UNC13C: variants seen among roughly 807,000 people sequenced by gnomAD.
The protein encoded by UNC13C is protein unc-13 homolog C.
Under a neutral mutation model 245.4 loss-of-function variants are expected in UNC13C, and 174 were observed. The ratio of observed to expected loss-of-function variants is 0.71; its 90% confidence interval spans 0.63 to 0.80. The LOEUF (loss-of-function observed/expected upper bound fraction) is 0.80, where lower values mean the gene tolerates loss of function less well. UNC13C is among the 30% of genes least tolerant of loss of function. UNC13C has a pLI of 0.00. For missense variants in UNC13C, 2,829 were observed against 2,602.9 expected (o/e 1.09, Z -1.89); for synonymous variants, 992 against 895.1 (o/e 1.11, Z -1.93).
chr15:53,935,191 G>A, the UNC13C span, among the ~76,000 whole-genome samples: 1 of 150,282 alleles, frequency 6.7e-6, no homozygotes, highest in South Asian at 2.1e-4. Context: ...TTTCTGATTT[G>A]AGGAGGAAGG....
upstream of UNC13C, among the ~76,000 whole-genome samples, chr15:53,973,367 G>A (rs1893597849): frequency 1.3e-5 from 2 of 151,978 alleles, no homozygotes; most frequent in Non-Finnish European, 2.9e-5. Context: ...GCTTTACATG[G>A]ATTATCTCAT....
intron 19 of UNC13C, among the ~76,000 whole-genome samples, chr15:54,461,603 T>C (rs1332297927): frequency 6.6e-6 from 1 of 152,210 alleles, no homozygotes; most frequent in Admixed American, 6.5e-5. Context: ...ATTATGGGAA[T>C]AATTTAGTAG....
At chr15:54,035,450 C>T (rs1225378264) in intron 2 of UNC13C, among the ~76,000 whole-genome samples, 1 of 152,100 alleles carries the variant, frequency 6.6e-6, no homozygotes, top group Admixed American at 6.5e-5. Flanking sequence ...TTTGGAAGCA[C>T]CCAGTAAACA....
At chr15:54,557,567 A>C (rs139471355) in intron 29 of UNC13C, among the ~76,000 whole-genome samples, 5 of 151,698 alleles carry the variant, frequency 3.3e-5, no homozygotes, top group African/African-American at 9.7e-5. Context: ...TAAAGATTCA[A>C]TGTCTCCCCG....
Position 54,012,908 on chromosome 15 carries a change from T to C in UNC13C, c.5T>C (p.Val2Ala). The C allele has an allele frequency of 6.3e-7, 1 of 1,593,320 alleles. No individual in the cohort carries two copies. Among genetic ancestry groups the C allele is most frequent in the Non-Finnish European group, 8.5e-7 (1 of 1,171,218 alleles). M[V>A]ANFFKSLILP... is the part of the protein sequence containing the mutation. Reference sequence around the variant, plus strand: ...AGCTTGCACTAATTGCTCTCCATGGTGGCTAATTTTTTCAAGAGCTTGATT... The same window carrying C: ...AGCTTGCACTAATTGCTCTCCATGGCGGCTAATTTTTTCAAGAGCTTGATT... The change falls in exon 2 of 33, where the codon GTG (valine) becomes GCG (alanine). Residue 2 changes from valine (V) to alanine (A), a missense_variant. Transcript: ENST00000260323.
Position 54,569,782 on chromosome 15 carries a change from T to C in UNC13C, c.6106+1835T>C, listed in dbSNP as rs565552618. Among the ~76,000 whole-genome samples the C allele has an allele frequency of 2.0e-5, 3 of 152,272 alleles. No homozygotes were observed. The East Asian group carries it at 5.8e-4, about 29-fold the overall frequency. ...TATTTCCTGTTCCCTCATTTTCTGT[T>C]TTTTTTCTGAGTATTCAATTTTTTT... On this transcript the variant is annotated intron_variant, in intron 30 of 32. Coordinates refer to ENST00000260323, the MANE Select transcript of UNC13C (RefSeq NM_001080534.3).
chr15:54,098,541 A>G (rs1463278412), intron 2 of UNC13C, among the ~76,000 whole-genome samples: 2 of 152,168 alleles, frequency 1.3e-5, no homozygotes, highest in African/African-American at 4.8e-5. Context: ...TTCCCAATCC[A>G]CTTTTACACA....
At chr15:54,522,978 A>G (rs1596512167) in intron 24 of UNC13C, among the ~76,000 whole-genome samples, 1 of 152,214 alleles carries the variant, frequency 6.6e-6, no homozygotes, top group East Asian at 1.9e-4. Context: ...ATGTTATACT[A>G]CTTATATAAC....
chr15:54,015,702 G>C lies in UNC13C; in HGVS notation c.2799G>C (p.Glu933Asp). The C allele has an allele frequency of 6.2e-7, 1 of 1,613,632 alleles. No homozygotes were observed. The highest frequency in any genetic ancestry group is 8.5e-7 in the Non-Finnish European group (1 of 1,179,774). ...CAGCAGATGATATGGTTAGTGAAGA[G>C]GGGTTAGAACCCTTAAATGAAACAT... ...DGPADDMVSE[E>D]GLEPLNETSA... The change falls in exon 2 of 33, where the codon GAG becomes GAC. Residue 933 changes from glutamate to aspartate, a missense_variant. Glu to Asp is a conservative substitution (Grantham distance 45, BLOSUM62 2). Coordinates refer to ENST00000260323, the MANE Select transcript of UNC13C (RefSeq NM_001080534.3).
chr15:54,331,816 A>C (rs73415711), intron 14 of UNC13C, among the ~76,000 whole-genome samples: 2,173 of 152,208 alleles, frequency 0.014, 49 homozygotes, highest in East Asian at 0.087. Context: ...ATTTCTCATT[A>C]ATCATAGAGA....
intron 19 of UNC13C, among the ~76,000 whole-genome samples, chr15:54,479,012 A>G (rs966288417): frequency 1.3e-5 from 2 of 152,124 alleles, no homozygotes; most frequent in South Asian, 2.1e-4. Flanking sequence ...GGGTGCATAT[A>G]TATGGGATAT....
At chr15:53,927,664 A>C in the UNC13C span, among the ~76,000 whole-genome samples, 11 of 152,310 alleles carry the variant, frequency 7.2e-5, no homozygotes, top group South Asian at 2.3e-3. Context: ...ATTTCAAAGG[A>C]GGGTTCTGAG....
chr15:53,962,029 T>C, the UNC13C span, among the ~76,000 whole-genome samples: 1 of 152,242 alleles, frequency 6.6e-6, no homozygotes, highest in Non-Finnish European at 1.5e-5. Context: ...CGTTATGTTT[T>C]CTTTAAGAGA....
At chr15:54,088,288 G>T (rs1433146247) in intron 2 of UNC13C, among the ~76,000 whole-genome samples, 1 of 145,778 alleles carries the variant, frequency 6.9e-6, no homozygotes, top group East Asian at 2.1e-4. Flanking sequence ...CAGGATTCAG[G>T]CCCCATGGAT....
At chr15:54,601,004 A>C (rs1013401470) in intron 30 of UNC13C, among the ~76,000 whole-genome samples, 3 of 152,172 alleles carry the variant, frequency 2.0e-5, no homozygotes, top group African/African-American at 7.2e-5. Context: ...AAATTGCAAA[A>C]AAAAAATCAT....
intron 12 of UNC13C, among the ~76,000 whole-genome samples, chr15:54,298,358 T>C (rs1475800525): frequency 6.6e-6 from 1 of 152,132 alleles, no homozygotes; most frequent in African/African-American, 2.4e-5. Flanking sequence ...GAGTTCAGAT[T>C]TTATTGAAGA....
chr15:53,908,514 A>G, the UNC13C span, among the ~76,000 whole-genome samples: 3 of 145,444 alleles, frequency 2.1e-5, 1 homozygote, highest in Non-Finnish European at 4.6e-5. Context: ...TGAGGTGGAC[A>G]GATTACTTAA....
At position 54,571,997 on chromosome 15, in the gene UNC13C, C is replaced by CT. The variant is rs913824085; in HGVS notation, c.6106+4058dup. Among the ~76,000 whole-genome samples, 9 of 152,198 alleles carry CT rather than the reference C, an allele frequency of 5.9e-5. No homozygotes were observed. The South Asian group carries it at 6.2e-4, about 11-fold the overall frequency. ...CTTACTTATTTTTTTAGCTTATTTA[C>CT]TTTTTTTTCTTTTCTCACCTCCTGG... is the stretch of plus-strand genomic sequence containing the variant. On this transcript the variant is annotated intron_variant, in intron 30 of 32. Coordinates refer to ENST00000260323, the MANE Select transcript of UNC13C (RefSeq NM_001080534.3).
At chr15:54,570,525 A>T in intron 30 of UNC13C, among the ~76,000 whole-genome samples, 1 of 152,214 alleles carries the variant, frequency 6.6e-6, no homozygotes, top group East Asian at 1.9e-4. Flanking sequence ...ACCATGTTCA[A>T]TAAAAAATGG....
Sources: allele counts gnomAD v4.1 joint callset (sites outside exome capture counted in the v4.1 genomes callset), GRCh38; gene constraint gnomAD v4.1.1; transcripts MANE v1.5; gene names NCBI Gene and HGNC (gene_info 2026-07-23, HGNC 2026-07-21).